The following RANBP2 variants were observed in gnomAD, a reference collection of about 807,000 sequenced individuals.
The protein encoded by RANBP2 is E3 SUMO-protein ligase RanBP2.
A neutral mutation model predicts 303.6 loss-of-function variants in RANBP2; 57 were observed. The observed-to-expected ratio is 0.19, with a 90% CI of 0.15 to 0.23. The LOEUF (loss-of-function observed/expected upper bound fraction) is 0.23. RANBP2 is among the 10% of genes least tolerant of loss of function. The probability of loss-of-function intolerance (pLI) is 1.00; values close to 1 mark genes in which losing one functional copy is unlikely to be tolerated. For synonymous variants in RANBP2, 1,167 were observed against 1,301.5 expected, an observed-to-expected ratio of 0.90 and a Z score of 2.23; for missense variants, 3,138 against 3,780.8, an observed-to-expected ratio of 0.83 and a Z score of 4.46.
chr2:108,720,912 G>C (rs1573669005), intron 1 of RANBP2, among the ~76,000 whole-genome samples: 1 of 152,308 alleles, frequency 6.6e-6, no homozygotes, highest in East Asian at 1.9e-4. Flanking sequence ...AGCCGGGCGT[G>C]GTGGCGCATG....
At chr2:109,059,413 A>G in the RANBP2 span, among the ~76,000 whole-genome samples, 1 of 152,088 alleles carries the variant, frequency 6.6e-6, no homozygotes, top group Non-Finnish European at 1.5e-5. Context: ...GTCTCTACTA[A>G]AAATACAAAC....
At chr2:109,150,703 G>A in the RANBP2 span, among the ~76,000 whole-genome samples, 3 of 152,072 alleles carry the variant, frequency 2.0e-5, no homozygotes, top group Non-Finnish European at 4.4e-5. Flanking sequence ...GGATTGGTGC[G>A]ATGAGCCTCA....
the RANBP2 span, among the ~76,000 whole-genome samples, chr2:109,590,234 G>A: frequency 6.6e-6 from 1 of 151,840 alleles, no homozygotes; most frequent in African/African-American, 2.4e-5. Flanking sequence ...TATTGTATAT[G>A]GTTGGCAGAA....
chr2:109,196,959 G>C, the RANBP2 span, among the ~76,000 whole-genome samples: 1 of 152,212 alleles, frequency 6.6e-6, no homozygotes, highest in Non-Finnish European at 1.5e-5. Context: ...GTGCGCCCCT[G>C]TGCTGGGCAC....
At chr2:108,924,772 G>A in the RANBP2 span, among the ~76,000 whole-genome samples, 2 of 152,182 alleles carry the variant, frequency 1.3e-5, no homozygotes, top group Admixed American at 1.3e-4. Context: ...GAGAAGCCAC[G>A]ACAGCCAGTT....
chr2:109,498,949 G>C, the RANBP2 span, among the ~76,000 whole-genome samples: 1 of 152,354 alleles, frequency 6.6e-6, no homozygotes, highest in South Asian at 2.1e-4. Context: ...CGGCAGGGCA[G>C]AGCTGGTGGA....
At chr2:108,932,123 T>C in the RANBP2 span, among the ~76,000 whole-genome samples, 245 of 152,346 alleles carry the variant, frequency 1.6e-3, no homozygotes, top group African/African-American at 5.6e-3. Flanking sequence ...ACATATGCCA[T>C]GATGCACAGG....
chr2:109,606,933 T>G, the RANBP2 span, among the ~76,000 whole-genome samples: 6 of 152,084 alleles, frequency 3.9e-5, no homozygotes, highest in African/African-American at 1.4e-4. Flanking sequence ...ATTACAGGCA[T>G]GAGCCACCAC....
chr2:109,178,681 C>T, the RANBP2 span, among the ~76,000 whole-genome samples: 2 of 152,190 alleles, frequency 1.3e-5, no homozygotes, highest in Non-Finnish European at 2.9e-5. Context: ...CCCAGGAATT[C>T]ACTTTGTCAA....
chr2:109,292,170 G>A, the RANBP2 span, among the ~76,000 whole-genome samples: 9 of 152,154 alleles, frequency 5.9e-5, no homozygotes, highest in African/African-American at 1.9e-4. Flanking sequence ...GCCCCAATAT[G>A]TATTTTTAAA....
intron 4 of RANBP2, 118 bp downstream of exon 4, chr2:108,731,592 A>T (rs1558876800): frequency 1.3e-6 from 2 of 1,559,920 alleles, no homozygotes; most frequent in South Asian, 1.2e-5. Flanking sequence ...TCCTTTAAAA[A>T]TTTTCTTTTA....
At chr2:109,623,329 G>A in the RANBP2 span, among the ~76,000 whole-genome samples, 1 of 152,108 alleles carries the variant, frequency 6.6e-6, no homozygotes, top group African/African-American at 2.4e-5. Flanking sequence ...TCCCTCTCTG[G>A]TGCACCACCA....
At chr2:108,873,696 A>G in the RANBP2 span, 10 of 669,554 alleles carry the variant, frequency 1.5e-5, no homozygotes, top group African/African-American at 1.8e-4. Flanking sequence ...CTGGATGAAG[A>G]AGAATTGCCT....
the RANBP2 span, among the ~76,000 whole-genome samples, chr2:109,678,731 A>G: frequency 6.6e-6 from 1 of 152,126 alleles, no homozygotes; most frequent in East Asian, 1.9e-4. Context: ...TCTGGTAACT[A>G]CTAGCTTCCA....
chr2:109,245,821 G>A, the RANBP2 span, among the ~76,000 whole-genome samples: 7 of 152,302 alleles, frequency 4.6e-5, no homozygotes, highest in East Asian at 1.3e-3. Flanking sequence ...AGATCTTTAT[G>A]GAGTTTGTAA....
At chr2:109,259,043 G>C in the RANBP2 span, among the ~76,000 whole-genome samples, 2 of 152,222 alleles carry the variant, frequency 1.3e-5, no homozygotes, top group Non-Finnish European at 2.9e-5. Context: ...AGGAGGGAGA[G>C]CCTTGTGCTG....
At chr2:108,864,070 T>TA in the RANBP2 span, among the ~76,000 whole-genome samples, 1 of 152,186 alleles carries the variant, frequency 6.6e-6, no homozygotes, top group Non-Finnish European at 1.5e-5. Flanking sequence ...GATGATGTGT[T>TA]ACACTAGTGT....
At chr2:108,826,125 G>C in the RANBP2 span, among the ~76,000 whole-genome samples, 1 of 152,036 alleles carries the variant, frequency 6.6e-6, no homozygotes, top group Non-Finnish European at 1.5e-5. Context: ...TGAGTTTTTT[G>C]TAGGAGGTTT....
At chr2:109,351,224 G>A in the RANBP2 span, among the ~76,000 whole-genome samples, 279 of 152,350 alleles carry the variant, frequency 1.8e-3, 2 homozygotes, top group South Asian at 0.015. Context: ...GCCTCCACAC[G>A]TGCTGGGCCA....
Sources: allele counts gnomAD v4.1 joint callset (sites outside exome capture counted in the v4.1 genomes callset), GRCh38; gene constraint gnomAD v4.1.1; transcripts MANE v1.5; gene names NCBI Gene and HGNC (gene_info 2026-07-23, HGNC 2026-07-21).